TENM3: variants seen among roughly 807,000 people sequenced by gnomAD.
TENM3 encodes the protein teneurin-3.
In TENM3, 63 loss-of-function variants were observed where a neutral mutation model predicts 255.1. That is an observed-to-expected ratio of 0.25 (90% CI 0.20 to 0.30). The LOEUF is 0.30. TENM3 is among the 10% of genes least tolerant of loss of function. The pLI, the probability that TENM3 is intolerant of heterozygous loss-of-function variation, is 1.00. For synonymous variants in TENM3, 1,306 were observed against 1,322.3 expected (o/e 0.99, Z 0.27); for missense variants, 2,929 against 3,461.1 (o/e 0.85, Z 3.86).
chr4:181,674,246 C>T, the TENM3 span, among the ~76,000 whole-genome samples: 2 of 152,278 alleles, frequency 1.3e-5, no homozygotes, highest in South Asian at 4.1e-4. Flanking sequence ...AATCAGCCTG[C>T]CTTGGCCTCC....
chr4:181,513,787 C>T, the TENM3 span, among the ~76,000 whole-genome samples: 1 of 152,010 alleles, frequency 6.6e-6, no homozygotes, highest in Non-Finnish European at 1.5e-5. Context: ...GTTTTCTTGT[C>T]CCTGTAATCG....
At chr4:182,598,314 G>T (rs1747480019) in intron 3 of TENM3, among the ~76,000 whole-genome samples, 1 of 152,126 alleles carries the variant, frequency 6.6e-6, no homozygotes, top group Non-Finnish European at 1.5e-5. Context: ...TTATTGGTAG[G>T]CCTCCTGATT....
chr4:181,966,809 CACA>C, the TENM3 span, among the ~76,000 whole-genome samples: 1 of 152,200 alleles, frequency 6.6e-6, no homozygotes, highest in African/African-American at 2.4e-5. Flanking sequence ...TGCCGCTAGA[CACA>C]AAAGTGACAA....
the TENM3 span, among the ~76,000 whole-genome samples, chr4:182,025,813 A>G: frequency 1.3e-5 from 2 of 152,064 alleles, no homozygotes; most frequent in Non-Finnish European, 1.5e-5. Flanking sequence ...GTTTGCCATT[A>G]TAAGTCTTCT....
At chr4:181,784,124 G>A in the TENM3 span, among the ~76,000 whole-genome samples, 1 of 149,090 alleles carries the variant, frequency 6.7e-6, no homozygotes, top group Non-Finnish European at 1.5e-5. Context: ...TGACATTCTT[G>A]TCTTATTCTT....
intron 12 of TENM3, among the ~76,000 whole-genome samples, chr4:182,696,474 C>T (rs62337072): frequency 0.19 from 29,218 of 152,110 alleles, 3,189 homozygotes; most frequent in Non-Finnish European, 0.26. Flanking sequence ...TGCCTGTAAT[C>T]CCAGCACTTT....
chr4:181,652,568 C>T, the TENM3 span, among the ~76,000 whole-genome samples: 20 of 152,298 alleles, frequency 1.3e-4, no homozygotes, highest in African/African-American at 4.6e-4. Context: ...ATTAATCCCA[C>T]GTTGGACTGC....
chr4:181,656,336 C>T, the TENM3 span, among the ~76,000 whole-genome samples: 2 of 152,106 alleles, frequency 1.3e-5, no homozygotes, highest in African/African-American at 4.8e-5. Flanking sequence ...CACACGACCT[C>T]CTGAAATAAC....
chr4:182,193,757 G>A (rs1753676430), intron 1 of TENM3, among the ~76,000 whole-genome samples: 1 of 152,140 alleles, frequency 6.6e-6, no homozygotes, highest in African/African-American at 2.4e-5. Flanking sequence ...TATTAGTTGA[G>A]CAAGAATCAT....
At chr4:182,168,267 T>C (rs570814537) in intron 1 of TENM3, among the ~76,000 whole-genome samples, 16 of 152,130 alleles carry the variant, frequency 1.1e-4, no homozygotes, top group African/African-American at 3.9e-4. Flanking sequence ...CCCGAGTAGC[T>C]GGGACTACAG....
intron 1 of TENM3, among the ~76,000 whole-genome samples, chr4:182,294,749 A>T (rs770850993): frequency 6.6e-6 from 1 of 152,208 alleles, no homozygotes; most frequent in Non-Finnish European, 1.5e-5. Context: ...ACTTCCCATC[A>T]ATGGATATGG....
At chr4:182,595,203 C>G (rs1747084712) in intron 3 of TENM3, among the ~76,000 whole-genome samples, 1 of 152,126 alleles carries the variant, frequency 6.6e-6, no homozygotes, top group South Asian at 2.1e-4. Flanking sequence ...CATGCTGATT[C>G]ATAATAACAG....
chr4:181,541,884 C>T, the TENM3 span, among the ~76,000 whole-genome samples: 30 of 152,092 alleles, frequency 2.0e-4, no homozygotes, highest in Non-Finnish European at 3.7e-4. Flanking sequence ...CTAATTATTC[C>T]CTATGTGCCT....
upstream of TENM3, among the ~76,000 whole-genome samples, chr4:182,139,257 A>G (rs556890442): frequency 6.6e-6 from 1 of 152,344 alleles, no homozygotes; most frequent in East Asian, 1.9e-4. Context: ...AGGTACTTTA[A>G]AAACTATGTG....
the TENM3 span, among the ~76,000 whole-genome samples, chr4:181,805,727 A>G: frequency 6.6e-6 from 1 of 152,138 alleles, no homozygotes; most frequent in African/African-American, 2.4e-5. Context: ...AAGCTCTGCT[A>G]TGGAATTTGA....
rs73872422 is a variant in TENM3, at chr4:182,519,292, T to A, written c.512-81632T>A. On this transcript the variant is annotated intron_variant, in intron 3 of 27. Coordinates refer to ENST00000511685, the MANE Select transcript of TENM3 (RefSeq NM_001080477.4). ...ATTAATTTCACCTGCTTTTAAAAAC[T>A]TTTAAATGTGGGTATTAAAAAGTTA... 4.1e-3 allele frequency among the ~76,000 whole-genome samples: 626 copies of A among 152,366 alleles called. 6 individuals carry two copies. The highest frequency in any genetic ancestry group is 0.014 in the African/African-American group (584 of 41,596).
the TENM3 span, among the ~76,000 whole-genome samples, chr4:181,632,325 A>G: frequency 4.5e-4 from 69 of 152,222 alleles, 2 homozygotes; most frequent in South Asian, 0.014. Flanking sequence ...CCATGATCCA[A>G]TCACCTCCCA....
chr4:182,681,002 A>G (rs1264269306), intron 10 of TENM3, among the ~76,000 whole-genome samples: 1 of 152,182 alleles, frequency 6.6e-6, no homozygotes, highest in Non-Finnish European at 1.5e-5. Flanking sequence ...ATGCCTTGAA[A>G]CTAACAGCGG....
the TENM3 span, among the ~76,000 whole-genome samples, chr4:182,110,130 A>AAC: frequency 7.1e-6 from 1 of 140,734 alleles, no homozygotes. Context: ...AAAAAAAAAA[A>AAC]TACATGAAAT....
Sources: gnomAD v4.1 joint callset for allele counts (sites outside exome capture counted in the v4.1 genomes callset) on GRCh38, gnomAD v4.1.1 for gene constraint, MANE v1.5 for transcripts, NCBI Gene and HGNC (gene_info 2026-07-23, HGNC 2026-07-21) for gene names.